Variants in KCNK2 observed in about 807,000 individuals in gnomAD.
KCNK2 encodes the protein potassium channel subfamily K member 2.
A neutral mutation model predicts 40.5 loss-of-function variants in KCNK2; 21 were observed. The observed-to-expected ratio is 0.52, with a 90% confidence interval of 0.37 to 0.75. The LOEUF (loss-of-function observed/expected upper bound fraction) is 0.75, where lower values mean the gene tolerates loss of function less well. KCNK2 is among the 30% of genes least tolerant of loss of function. KCNK2 has a pLI of 0.00. For missense variants in KCNK2, 399 were observed against 531.6 expected, an observed-to-expected ratio of 0.75 and a Z score of 2.45; for synonymous variants, 191 against 202.2, an observed-to-expected ratio of 0.94 and a Z score of 0.47.
intron 1 of KCNK2, among the ~76,000 whole-genome samples, chr1:215,012,984 CT>C (rs1212634824): frequency 1.3e-5 from 2 of 151,802 alleles, no homozygotes; most frequent in Non-Finnish European, 2.9e-5. Context: ...TTTGTGTTTT[CT>C]TTTTTCAGAA....
chr1:215,203,425 T>G (rs139920415), intron 6 of KCNK2, among the ~76,000 whole-genome samples: 3 of 152,150 alleles, frequency 2.0e-5, no homozygotes, highest in African/African-American at 7.2e-5. Flanking sequence ...GAGGAGTGTA[T>G]GTGATGTGGC....
At chr1:215,138,154 A>G (rs1428019283) in intron 3 of KCNK2, among the ~76,000 whole-genome samples, 1 of 152,206 alleles carries the variant, frequency 6.6e-6, no homozygotes, top group Non-Finnish European at 1.5e-5. Context: ...AAAACTGAGT[A>G]TATAGGGCTC....
chr1:215,102,428 G>A (rs1237056295), intron 2 of KCNK2, among the ~76,000 whole-genome samples: 1 of 151,934 alleles, frequency 6.6e-6, no homozygotes, highest in Non-Finnish European at 1.5e-5. Flanking sequence ...CAATGTGTTT[G>A]TTTTAACCTA....
intron 3 of KCNK2, among the ~76,000 whole-genome samples, chr1:215,164,384 G>C (rs1027290710): frequency 6.6e-6 from 1 of 151,958 alleles, no homozygotes; most frequent in Non-Finnish European, 1.5e-5. Context: ...ATTCATTGAT[G>C]TTTTGAAGAG....
chr1:215,177,048 G>A (rs569990594), intron 5 of KCNK2, among the ~76,000 whole-genome samples: 8 of 152,208 alleles, frequency 5.3e-5, no homozygotes, highest in African/African-American at 1.9e-4. Flanking sequence ...GCATGGAATG[G>A]TAGCTCATTG....
At chr1:215,161,188 T>A (rs1663178987) in intron 3 of KCNK2, among the ~76,000 whole-genome samples, 1 of 152,296 alleles carries the variant, frequency 6.6e-6, no homozygotes, top group Middle Eastern at 3.4e-3. Context: ...AGCATGGATA[T>A]GATTCTTCAT....
At chr1:215,139,117 C>T (rs1334789551) in intron 3 of KCNK2, among the ~76,000 whole-genome samples, 1 of 152,116 alleles carries the variant, frequency 6.6e-6, no homozygotes, top group Non-Finnish European at 1.5e-5. Flanking sequence ...AAGAAACAAA[C>T]AAGCAGTGTA....
At chr1:215,025,867 C>T (rs189466299) in intron 1 of KCNK2, among the ~76,000 whole-genome samples, 25 of 152,124 alleles carry the variant, frequency 1.6e-4, no homozygotes, top group South Asian at 4.1e-4. Flanking sequence ...GGAATATATA[C>T]GAAGGAGTGG....
chr1:215,129,998 A>G (rs1661597253), intron 3 of KCNK2, among the ~76,000 whole-genome samples: 1 of 152,172 alleles, frequency 6.6e-6, no homozygotes, highest in East Asian at 1.9e-4. Flanking sequence ...GTTATTCAAA[A>G]CAAGCCTCTT....
intron 1 of KCNK2, among the ~76,000 whole-genome samples, chr1:215,067,662 A>C (rs1243644100): frequency 1.3e-5 from 2 of 152,060 alleles, no homozygotes; most frequent in African/African-American, 4.8e-5. Context: ...ACAGGAGTTC[A>C]AGACCAGTCT....
In KCNK2 at chr1:215,235,219, G is replaced by A. The variant is rs1371118851; in HGVS notation, c.*74G>A. 16 of 1,308,914 alleles carry A rather than the reference G, an allele frequency of 1.2e-5. No individual in the cohort carries two copies. Among genetic ancestry groups the A allele is most frequent in the Admixed American group, 2.1e-5 (1 of 47,960 alleles). 81.1% of individuals were successfully genotyped at this position (1,308,914 alleles called of 1,614,324 possible). On this transcript the variant is annotated 3_prime_UTR_variant, in exon 7 of 7. Coordinates refer to ENST00000444842, the MANE Select transcript of KCNK2 (RefSeq NM_001017425.3). Reference sequence around the variant, plus strand: ...ATGCTCTTTATGACTGTTGCTGGTAGCATTTTTTAAATTGTGCATGAGCTC... The same window carrying A: ...ATGCTCTTTATGACTGTTGCTGGTAACATTTTTTAAATTGTGCATGAGCTC...
At chr1:215,230,533 G>GCCATATATATA (rs1558150327) in intron 6 of KCNK2, among the ~76,000 whole-genome samples, 11 of 62,514 alleles carry the variant, frequency 1.8e-4, no homozygotes, top group African/African-American at 6.8e-4. Flanking sequence ...ATATATATAT[G>GCCATATATATA]TATATATATA....
chr1:215,085,406 A>G (rs1659387261), intron 1 of KCNK2, among the ~76,000 whole-genome samples: 1 of 152,184 alleles, frequency 6.6e-6, no homozygotes, highest in Non-Finnish European at 1.5e-5. Context: ...AGTATCTCTT[A>G]TATTTTTGAA....
At chr1:215,132,523 T>C (rs1041759553) in intron 3 of KCNK2, among the ~76,000 whole-genome samples, 11 of 152,240 alleles carry the variant, frequency 7.2e-5, no homozygotes, top group Non-Finnish European at 1.5e-4. Flanking sequence ...TACAATCTCA[T>C]TGCATTTTTC....
At chr1:215,048,481 G>A (rs1657864943) in intron 1 of KCNK2, among the ~76,000 whole-genome samples, 2 of 152,136 alleles carry the variant, frequency 1.3e-5, no homozygotes. Context: ...TCTAACACCA[G>A]CTGATCTTAT....
At chr1:215,035,501 T>C (rs115317371) in intron 1 of KCNK2, among the ~76,000 whole-genome samples, 2,670 of 152,168 alleles carry the variant, frequency 0.018, 75 homozygotes, top group African/African-American at 0.061. Flanking sequence ...TGTCATATGA[T>C]TGAATCTTAC....
At chr1:215,177,738 A>ATTTT (rs1232317385) in intron 5 of KCNK2, among the ~76,000 whole-genome samples, 15 of 51,916 alleles carry the variant, frequency 2.9e-4, no homozygotes, top group African/African-American at 6.3e-4. Flanking sequence ...ATATATATAT[A>ATTTT]TATTTTTTTT....
intron 6 of KCNK2, among the ~76,000 whole-genome samples, chr1:215,213,820 A>G (rs536124293): frequency 6.6e-6 from 1 of 152,288 alleles, no homozygotes; most frequent in East Asian, 1.9e-4. Flanking sequence ...ATTTATGATG[A>G]AAAGTGTAGA....
At chr1:215,127,798 A>G (rs931191221) in intron 3 of KCNK2, among the ~76,000 whole-genome samples, 4 of 152,228 alleles carry the variant, frequency 2.6e-5, no homozygotes, top group African/African-American at 9.6e-5. Flanking sequence ...TTTTGAAACT[A>G]AAAACAAATA....
Sources: allele counts gnomAD v4.1 joint callset (sites outside exome capture counted in the v4.1 genomes callset), GRCh38; gene constraint gnomAD v4.1.1; transcripts MANE v1.5; gene names NCBI Gene and HGNC (gene_info 2026-07-23, HGNC 2026-07-21).